SUPT3H: variants seen among roughly 807,000 people sequenced by gnomAD.
The protein encoded by SUPT3H is SPT3 homolog, SAGA and STAGA complex component, also known as transcription initiation protein SPT3 homolog.
A neutral mutation model predicts 44.3 loss-of-function variants in SUPT3H; 44 were observed. That is an observed-to-expected ratio of 0.99 (90% CI 0.78 to 1.28). SUPT3H has a LOEUF of 1.28. Ranked by LOEUF, SUPT3H falls within the 50% of genes most tolerant of loss-of-function variation. The pLI, the probability that SUPT3H is intolerant of heterozygous loss-of-function variation, is 0.00. For missense variants in SUPT3H, 380 were observed against 387.1 expected (o/e 0.98, Z 0.15); for synonymous variants, 124 against 125.6 (o/e 0.99, Z 0.09).
At chr6:45,172,970 A>T (rs957341956) in intron 2 of SUPT3H, among the ~76,000 whole-genome samples, 4 of 152,240 alleles carry the variant, frequency 2.6e-5, no homozygotes, top group African/African-American at 7.2e-5. Flanking sequence ...TATCAATGAG[A>T]CAAAAAGTCC....
chr6:45,006,424 T>A (rs1226518933), intron 5 of SUPT3H, among the ~76,000 whole-genome samples: 1 of 152,130 alleles, frequency 6.6e-6, no homozygotes, highest in East Asian at 1.9e-4. Flanking sequence ...CCATTTCTTC[T>A]CATTGTTAAT....
intron 2 of SUPT3H, among the ~76,000 whole-genome samples, chr6:45,353,013 C>T (rs1462229979): frequency 6.6e-6 from 1 of 151,984 alleles, no homozygotes; most frequent in Non-Finnish European, 1.5e-5. Context: ...GCAAGAAAAA[C>T]AAATATTAAA....
chr6:45,183,713 T>C (rs577072589), intron 2 of SUPT3H, among the ~76,000 whole-genome samples: 2 of 152,230 alleles, frequency 1.3e-5, no homozygotes, highest in African/African-American at 4.8e-5. Context: ...CCAAATCATA[T>C]CAAGTATAAT....
intron 2 of SUPT3H, among the ~76,000 whole-genome samples, chr6:45,318,649 GTAAA>G: frequency 1.3e-5 from 2 of 151,030 alleles, no homozygotes; most frequent in East Asian, 3.9e-4. Context: ...ATTTCATGCA[GTAAA>G]TAACTAAATA....
At chr6:45,031,850 G>C (rs989095179) in intron 3 of SUPT3H, among the ~76,000 whole-genome samples, 3 of 152,170 alleles carry the variant, frequency 2.0e-5, no homozygotes, top group African/African-American at 7.2e-5. Context: ...AGCTCAACTA[G>C]CTGCAAGTGC....
Position 44,920,352 on chromosome 6 carries a change from G to T in SUPT3H, c.912+12301C>A, listed in dbSNP as rs186183064. Among the ~76,000 whole-genome samples, 11 of 152,184 alleles carry T rather than the reference G, an allele frequency of 7.2e-5. No individual in the cohort carries two copies. The East Asian group carries it at 2.1e-3, about 29-fold the overall frequency. On this transcript the variant is annotated intron_variant, in intron 10 of 10. Transcript: ENST00000371459. ...TTTGGGAGGCCAAGGCAGGAGGATT[G>T]CTTGAGGCCAGGAGTTAGAGACCAG... is the stretch of plus-strand genomic sequence containing the variant.
At chr6:44,906,068 A>C (rs1344636007) in intron 10 of SUPT3H, among the ~76,000 whole-genome samples, 1 of 152,200 alleles carries the variant, frequency 6.6e-6, no homozygotes, top group Non-Finnish European at 1.5e-5. Flanking sequence ...AGATATACCT[A>C]ATGTTAAATG....
chr6:45,043,134 T>TACACACAC (rs773611251), intron 3 of SUPT3H, among the ~76,000 whole-genome samples: 174 of 50,524 alleles, frequency 3.4e-3, no homozygotes, highest in African/African-American at 0.012. Flanking sequence ...GTATCTTACA[T>TACACACAC]ACACACATAC....
chr6:45,082,185 C>T (rs1015875216), intron 3 of SUPT3H, among the ~76,000 whole-genome samples: 1 of 152,036 alleles, frequency 6.6e-6, no homozygotes, highest in African/African-American at 2.4e-5. Flanking sequence ...CCAGACCAGA[C>T]AGATTAACAG....
chr6:45,094,048 C>T lies in SUPT3H; in HGVS notation c.186+11874G>A, dbSNP rs149911265. 5.6e-4 allele frequency among the ~76,000 whole-genome samples: 85 copies of T among 152,232 alleles called. No homozygotes were observed. In the Middle Eastern group the frequency reaches 0.01, roughly 18 times the overall value. ...TCAGTCACACAATTTCAAGATGGCGCAAATCTCTGCCTATCTCTATTAAGA... is the reference window on the plus strand; with the variant it reads ...TCAGTCACACAATTTCAAGATGGCGTAAATCTCTGCCTATCTCTATTAAGA... On this transcript the variant is annotated intron_variant, in intron 3 of 10. Transcript: ENST00000371459.
chr6:45,168,750 T>C (rs1386345137), intron 2 of SUPT3H, among the ~76,000 whole-genome samples: 1 of 152,136 alleles, frequency 6.6e-6, no homozygotes, highest in Non-Finnish European at 1.5e-5. Flanking sequence ...CTGTGAGCAA[T>C]GGGAGGTAAG....
chr6:45,203,329 C>G (rs1762716153), intron 2 of SUPT3H, among the ~76,000 whole-genome samples: 1 of 152,060 alleles, frequency 6.6e-6, no homozygotes, highest in Admixed American at 6.6e-5. Context: ...TGATACTTTC[C>G]TCTGCCCTAC....
intron 10 of SUPT3H, among the ~76,000 whole-genome samples, chr6:44,858,218 C>T (rs1401287753): frequency 2.0e-5 from 3 of 152,162 alleles, no homozygotes; most frequent in African/African-American, 7.2e-5. Flanking sequence ...GCCCCAGTAC[C>T]AGGCAGCTTG....
intron 10 of SUPT3H, among the ~76,000 whole-genome samples, chr6:44,868,826 T>C (rs1371841614): frequency 6.6e-6 from 1 of 152,230 alleles, no homozygotes; most frequent in Non-Finnish European, 1.5e-5. Flanking sequence ...CAATGCTTCT[T>C]GGCTAAAGTC....
chr6:45,083,790 A>T (rs1796137050), intron 3 of SUPT3H, among the ~76,000 whole-genome samples: 1 of 152,130 alleles, frequency 6.6e-6, no homozygotes, highest in Admixed American at 6.5e-5. Flanking sequence ...AAATAAAGCC[A>T]CACATCTACA....
chr6:45,089,744 G>C (rs538848403), intron 3 of SUPT3H, among the ~76,000 whole-genome samples: 4 of 151,852 alleles, frequency 2.6e-5, no homozygotes, highest in Non-Finnish European at 4.4e-5. Context: ...CTTAGAGCTA[G>C]CAACAACTTT....
At chr6:45,119,022 AT>A (rs1305264832) in intron 2 of SUPT3H, among the ~76,000 whole-genome samples, 1 of 152,178 alleles carries the variant, frequency 6.6e-6, no homozygotes, top group Non-Finnish European at 1.5e-5. Flanking sequence ...GTTATCATAG[AT>A]CAGCTGGCAG....
chr6:44,951,159 C>T (rs1402724146), intron 9 of SUPT3H, among the ~76,000 whole-genome samples: 10 of 151,202 alleles, frequency 6.6e-5, no homozygotes, highest in Non-Finnish European at 5.9e-5. Context: ...ATTATCCTAA[C>T]TTCTACCTTA....
At chr6:45,049,633 C>G (rs923970994) in intron 3 of SUPT3H, among the ~76,000 whole-genome samples, 1 of 152,134 alleles carries the variant, frequency 6.6e-6, no homozygotes, top group African/African-American at 2.4e-5. Context: ...ACTGTAAGAG[C>G]AGGGCCTTGG....
Sources: gnomAD v4.1 joint callset for allele counts (sites outside exome capture counted in the v4.1 genomes callset) on GRCh38, gnomAD v4.1.1 for gene constraint, MANE v1.5 for transcripts, NCBI Gene and HGNC (gene_info 2026-07-23, HGNC 2026-07-21) for gene names.